Variants in GNA14 observed in about 807,000 individuals in gnomAD.
The protein encoded by GNA14 is guanine nucleotide-binding protein subunit alpha-14.
GNA14 carries 50 observed loss-of-function variants against 42.0 expected under a neutral mutation model. That is an observed-to-expected ratio of 1.19 (90% CI 0.95 to 1.51). The LOEUF is 1.51. Among genes scored for constraint, GNA14 ranks in the 40% most tolerant of loss-of-function variants. The probability of loss-of-function intolerance (pLI) is 0.00; values close to 1 mark genes in which losing one functional copy is unlikely to be tolerated. For missense variants in GNA14, 473 were observed against 446.2 expected, an observed-to-expected ratio of 1.06 and a Z score of -0.54; for synonymous variants, 173 against 163.1, an observed-to-expected ratio of 1.06 and a Z score of -0.46.
At chr9:77,541,384 T>C (rs1241067914) in intron 1 of GNA14, among the ~76,000 whole-genome samples, 2 of 152,172 alleles carry the variant, frequency 1.3e-5, no homozygotes, top group East Asian at 3.9e-4. Flanking sequence ...GCCTGTAAGG[T>C]TTCTAATGAG....
At chr9:77,540,295 G>C (rs761341565) in intron 1 of GNA14, among the ~76,000 whole-genome samples, 1 of 151,914 alleles carries the variant, frequency 6.6e-6, no homozygotes, top group Non-Finnish European at 1.5e-5. Flanking sequence ...AGTTCCTCTT[G>C]GTATTGATCC....
chr9:77,599,433 G>A lies in GNA14; in HGVS notation c.124+48237C>T, dbSNP rs562597973. On this transcript the variant is annotated intron_variant, in intron 1 of 6. Transcript: ENST00000341700. ...GCATCCCTGTAAGGGATAATGGGCC[G>A]TTCCTGCTACACAGAGGGTAGTAAA... 3.9e-5 allele frequency among the ~76,000 whole-genome samples: 6 copies of A among 152,334 alleles called. No individual in the cohort carries two copies. The South Asian group carries it at 6.2e-4, about 16-fold the overall frequency.
At chr9:77,509,507 A>G (rs887384476) in intron 2 of GNA14, among the ~76,000 whole-genome samples, 1 of 152,214 alleles carries the variant, frequency 6.6e-6, no homozygotes, top group Non-Finnish European at 1.5e-5. Context: ...AGACCCAGTG[A>G]GTTTTCTAAA....
chr9:77,430,816 A>ATT (rs1190901972), intron 4 of GNA14, among the ~76,000 whole-genome samples: 23 of 152,192 alleles, frequency 1.5e-4, no homozygotes, highest in African/African-American at 5.3e-4. Context: ...TATTTCCTAT[A>ATT]TTTGTAAGTG....
intron 1 of GNA14, among the ~76,000 whole-genome samples, chr9:77,540,929 G>A (rs888420611): frequency 6.6e-6 from 1 of 152,046 alleles, no homozygotes; most frequent in Non-Finnish European, 1.5e-5. Context: ...CATCTTTTAA[G>A]TGGATGATTT....
chr9:77,428,593 A>C (rs1256373994), intron 5 of GNA14, among the ~76,000 whole-genome samples: 2 of 152,174 alleles, frequency 1.3e-5, no homozygotes, highest in African/African-American at 4.8e-5. Flanking sequence ...GTCCCTCAGC[A>C]AACTCCAGTG....
At position 77,591,977 on chromosome 9, in the gene GNA14, C is replaced by G. The variant is rs533188939; in HGVS notation, c.124+55693G>C. Among the ~76,000 whole-genome samples, 22 of 150,418 alleles carry G rather than the reference C, an allele frequency of 1.5e-4. No individual in the cohort carries two copies. The Middle Eastern group carries it at 0.01, about 71-fold the overall frequency. On this transcript the variant is annotated intron_variant, in intron 1 of 6. Coordinates refer to ENST00000341700, the MANE Select transcript of GNA14 (RefSeq NM_004297.4). ...TCACCTAGGCTGGAGTGCAGTGGCG[C>G]GATCTCAGCTCACTGCAAGCTCCGC...
At position 77,562,597 on chromosome 9, in the gene GNA14, C is replaced by T. The variant is rs183819739; in HGVS notation, c.125-33344G>A. Among the ~76,000 whole-genome samples the T allele has an allele frequency of 7.7e-3, 1,167 of 152,138 alleles. 7 individuals carry two copies. The highest frequency in any genetic ancestry group is 0.012 in the Non-Finnish European group (811 of 68,006). ...ATGATTGAAAATGGGTCTATTCATA[C>T]GTGGTAAAAGTCCCATGGGCTGGAA... is the stretch of plus-strand genomic sequence containing the variant. On this transcript the variant is annotated intron_variant, in intron 1 of 6. Transcript: ENST00000341700.
At chr9:77,570,926 T>A (rs1355735609) in intron 1 of GNA14, among the ~76,000 whole-genome samples, 1 of 152,206 alleles carries the variant, frequency 6.6e-6, no homozygotes, top group East Asian at 1.9e-4. Context: ...GCATATTTAA[T>A]AGAGTAAATT....
chr9:77,579,497 C>G (rs1823181962), intron 1 of GNA14, among the ~76,000 whole-genome samples: 1 of 152,128 alleles, frequency 6.6e-6, no homozygotes, highest in East Asian at 1.9e-4. Flanking sequence ...TCCCCAAAAT[C>G]TAGTTGCTCC....
At chr9:77,586,011 A>C (rs1823295195) in intron 1 of GNA14, among the ~76,000 whole-genome samples, 1 of 152,166 alleles carries the variant, frequency 6.6e-6, no homozygotes, top group Non-Finnish European at 1.5e-5. Context: ...TAGTGGTGCT[A>C]ACAATCAAGT....
chr9:77,601,629 T>C (rs1260231197), intron 1 of GNA14, among the ~76,000 whole-genome samples: 3 of 152,188 alleles, frequency 2.0e-5, no homozygotes, highest in Admixed American at 6.5e-5. Flanking sequence ...CAAGTGAGTT[T>C]AGGAAGAGCA....
chr9:77,425,453 A>G (rs1835438164), intron 6 of GNA14, 109 bp downstream of exon 6: 1 of 717,414 alleles, frequency 1.4e-6, no homozygotes, highest in South Asian at 1.9e-5. Context: ...GGGAGAGGCT[A>G]TTGCAGGCAG....
chr9:77,428,628 T>G (rs1166091753), intron 5 of GNA14, among the ~76,000 whole-genome samples: 1 of 152,196 alleles, frequency 6.6e-6, no homozygotes, highest in Non-Finnish European at 1.5e-5. Flanking sequence ...GAACCCAGGT[T>G]CCAGGCCCGT....
chr9:77,466,356 A>G (rs1478457891), intron 2 of GNA14, among the ~76,000 whole-genome samples: 5 of 152,120 alleles, frequency 3.3e-5, no homozygotes, highest in Non-Finnish European at 1.5e-5. Flanking sequence ...TTAAGTTCAC[A>G]CCGATTTTTT....
chr9:77,504,979 T>G (rs997872363), intron 2 of GNA14, among the ~76,000 whole-genome samples: 4 of 152,092 alleles, frequency 2.6e-5, no homozygotes, highest in Non-Finnish European at 4.4e-5. Context: ...CTAGTTGACT[T>G]TAAATTGTAA....
intron 1 of GNA14, among the ~76,000 whole-genome samples, chr9:77,589,523 G>A (rs1476657537): frequency 2.0e-5 from 3 of 152,130 alleles, no homozygotes; most frequent in Non-Finnish European, 2.9e-5. Context: ...AAAAGCCATC[G>A]TATGAGTCAG....
At chr9:77,500,163 C>T (rs1836942109) in intron 2 of GNA14, among the ~76,000 whole-genome samples, 1 of 152,016 alleles carries the variant, frequency 6.6e-6, no homozygotes, top group South Asian at 2.1e-4. Flanking sequence ...GCTGGGATTA[C>T]AGGCATGCAC....
At chr9:77,450,456 A>G (rs1186940402) in intron 2 of GNA14, among the ~76,000 whole-genome samples, 5 of 152,132 alleles carry the variant, frequency 3.3e-5, no homozygotes, top group Non-Finnish European at 7.3e-5. Context: ...GCCGATTCTC[A>G]TCATTCATGA....
Sources: gnomAD v4.1 joint callset for allele counts (sites outside exome capture counted in the v4.1 genomes callset) on GRCh38, gnomAD v4.1.1 for gene constraint, MANE v1.5 for transcripts, NCBI Gene and HGNC (gene_info 2026-07-23, HGNC 2026-07-21) for gene names.